HOXA4: variants seen among roughly 807,000 people sequenced by gnomAD.
HOXA4 encodes homeobox protein Hox-A4.
A neutral mutation model predicts 25.3 loss-of-function variants in HOXA4; 31 were observed. The ratio of observed to expected loss-of-function variants is 1.22; its 90% CI spans 0.92 to 1.65. HOXA4 has a LOEUF of 1.65. HOXA4 is among the 40% of genes most tolerant of loss of function. The pLI, the probability that HOXA4 is intolerant of heterozygous loss-of-function variation, is 0.00. For synonymous variants in HOXA4, 225 were observed against 207.7 expected (o/e 1.08, Z -0.72); for missense variants, 459 against 446.0 (o/e 1.03, Z -0.26).
rs747399656 is a variant in HOXA4, at chr7:27,129,229, ATGGAGGAGGGAACGGGTG to A, written c.941_958del (p.Thr314_Ser319del). 4 of 1,432,636 alleles carry A rather than the reference ATGGAGGAGGGAACGGGTG, an allele frequency of 2.8e-6. No homozygotes were observed. In the East Asian group the frequency reaches 1.0e-4, roughly 36 times the overall value. 88.7% of individuals were successfully genotyped at this position (1,432,636 alleles called of 1,614,324 possible). On this transcript the variant is annotated inframe_deletion, in exon 2 of 2. Coordinates refer to ENST00000360046, the MANE Select transcript of HOXA4 (RefSeq NM_002141.5). Reference sequence around the variant, plus strand: ...CTGGTTAAGATCTCTAGAAGATTATATGGAGGAGGGAACGGGTGTGGAGGTGCTCGGGTGGGGGTGGGG... The same window carrying A: ...CTGGTTAAGATCTCTAGAAGATTATATGGAGGTGCTCGGGTGGGGGTGGGG...
chr7:27,128,875 T>G lies in HOXA4; in HGVS notation c.*350A>C. On this transcript the variant is annotated 3_prime_UTR_variant, in exon 2 of 2. Coordinates refer to ENST00000360046, the MANE Select transcript of HOXA4 (RefSeq NM_002141.5). The stretch of plus-strand genomic sequence containing the variant: ...TGTCTTCTTCTGCTTTCAACAAAGA[T>G]GCAAGTGTATGTCCCCACTCAGCAT... The G allele has an allele frequency of 3.2e-6, 1 of 307,956 alleles. No individual in the cohort carries two copies. The highest frequency in any genetic ancestry group is 6.1e-6 in the Non-Finnish European group (1 of 162,746). The allele number at this position is 307,956 out of a possible 1,614,324, so 19.1% of individuals were successfully genotyped here.
chr7:27,130,673 C>G lies in HOXA4; in HGVS notation c.61G>C (p.Glu21Gln). Residue 21 changes from glutamate to glutamine, a missense_variant, in exon 1 of 2, where the codon GAG (glutamate) becomes CAG (glutamine). Transcript: ENST00000360046. ...GAGCCGCTGTGCTGCGCGTACTCCTCGAAGGGAGGGAACTTGGGCTCGATG... is the reference window on the plus strand; with the variant it reads ...GAGCCGCTGTGCTGCGCGTACTCCTGGAAGGGAGGGAACTTGGGCTCGATG... ...NYIEPKFPPF[E>Q]EYAQHSGSGG... is the part of the protein sequence containing the mutation. 6.2e-7 allele frequency: 1 copy of G among 1,607,820 alleles called. No homozygotes were observed. The highest frequency in any genetic ancestry group is 8.5e-7 in the Non-Finnish European group (1 of 1,177,046).
rs1785474527 is a variant in HOXA4 at position 27,130,294 on chromosome 7, C to T, written c.440G>A (p.Arg147His). ...CCGCGGGGCCGCTGGGGGCACGGCG[C>T]GAGGCTGCAGGGGCGGCGGCAGCTG... ...QPQLPPPLQP[R>H]AVPPAAPRRC... Residue 147 changes from arginine to histidine, a missense_variant, in exon 1 of 2, where the codon CGC becomes CAC. Transcript: ENST00000360046. 1 of 1,094,478 alleles carries T rather than the reference C, an allele frequency of 9.1e-7. No homozygotes were observed. The highest frequency in any genetic ancestry group is 1.1e-6 in the Non-Finnish European group (1 of 900,760). 67.8% of individuals were successfully genotyped at this position (1,094,478 alleles called of 1,614,324 possible).
At position 27,130,253 on chromosome 7, in the gene HOXA4, G is replaced by T; in HGVS notation, c.481C>A (p.Pro161Thr). 8.1e-7 allele frequency: 1 copy of T among 1,236,798 alleles called. No homozygotes were observed. The highest frequency in any genetic ancestry group is 1.0e-6 in the Non-Finnish European group (1 of 986,734). The allele number at this position is 1,236,798 out of a possible 1,614,324, so 76.6% of individuals were successfully genotyped here. A position where few individuals can be genotyped will look rare whatever the true frequency, so the allele number is the denominator to read the frequency against. The stretch of plus-strand genomic sequence containing the variant: ...CCTGCCGGGACGCCTGGGGTGGCGG[G>T]GGCCGCCTCGCAGCGCCGCGGGGCC... ...PAAPRRCEAA[P>T]ATPGVPAGGS... The change falls in exon 1 of 2, where the codon CCC becomes ACC. Residue 161 changes from proline (P) to threonine (T), a missense_variant. Pro to Thr is a conservative substitution (Grantham distance 38, BLOSUM62 -1). Transcript: ENST00000360046.
At position 27,129,261 on chromosome 7, in the gene HOXA4, G is replaced by A. The variant is rs745523082; in HGVS notation, c.927C>T (p.His309=). Residue 309 remains histidine, a synonymous_variant, in exon 2 of 2, where the codon CAC becomes CAT. Coordinates refer to ENST00000360046, the MANE Select transcript of HOXA4 (RefSeq NM_002141.5). ...AGGGAACGGGTGTGGAGGTGCTCGG[G>A]TGGGGGTGGGGATGGAGGTGTGGGC... ...TQSPHLHPHP[H]PSTSTPVPSS... is the part of the protein sequence containing the mutation. The A allele has an allele frequency of 1.2e-6, 2 of 1,610,620 alleles. No homozygotes were observed. The highest frequency in any genetic ancestry group is 8.5e-7 in the Non-Finnish European group (1 of 1,176,982).
In HOXA4 at chr7:27,130,653, G is replaced by T. The variant is rs1785514285; in HGVS notation, c.81C>A (p.Ser27Arg). ...GGCCGCCGTCTGCGCCGCCCGAGCC[G>T]CTGTGCTGCGCGTACTCCTCGAAGG... ...FPPFEEYAQH[S>R]GSGGADGGPG... Residue 27 changes from serine to arginine, a missense_variant, in exon 1 of 2, where the codon AGC becomes AGA. Physicochemically the swap from Ser to Arg is moderately radical, Grantham distance 110. Transcript: ENST00000360046. 2.5e-6 allele frequency: 4 copies of T among 1,603,238 alleles called. No homozygotes were observed. Among genetic ancestry groups the T allele is most frequent in the Non-Finnish European group, 3.4e-6 (4 of 1,174,802 alleles).
Position 27,130,161 on chromosome 7 carries a change from C to A in HOXA4, c.573G>T (p.Glu191Asp). 1.2e-6 allele frequency: 2 copies of A among 1,601,340 alleles called. No individual in the cohort carries two copies. The highest frequency in any genetic ancestry group is 8.5e-7 in the Non-Finnish European group (1 of 1,177,324). Residue 191 changes from glutamate (E) to aspartate (D), a missense_variant, in exon 1 of 2, where the codon GAG (glutamate) becomes GAT (aspartate). Coordinates refer to ENST00000360046, the MANE Select transcript of HOXA4 (RefSeq NM_002141.5). ...DKSPLGLKGK[E>D]PVVYPWMKKI... ...TCTTCATCCAGGGGTACACCACGGGCTCCTTGCCCTTCAGGCCCAGCGGGC... is the reference window on the plus strand; with the variant it reads ...TCTTCATCCAGGGGTACACCACGGGATCCTTGCCCTTCAGGCCCAGCGGGC...
At chr7:27,129,628 A>G in intron 1 of HOXA4, 57 bp from the exon 2 acceptor site, 1 of 1,590,986 alleles carries the variant, frequency 6.3e-7, no homozygotes, top group South Asian at 1.1e-5. Context: ...GAAGAGAGGG[A>G]AAGGAGGAGG....
rs775984563 is a variant in HOXA4 at position 27,129,572 on chromosome 7, C to A, written c.617-1G>T. 6.2e-7 allele frequency: 1 copy of A among 1,611,976 alleles called. No individual in the cohort carries two copies. Among genetic ancestry groups the A allele is most frequent in the Admixed American group, 1.7e-5 (1 of 60,002 alleles). ...TCCCCTCCGTTATAACTGGGGTTAA[C>A]TGAAAACCCAGAACCCCGAAATAGA... On this transcript the variant is annotated splice_acceptor_variant, in intron 1 of 1. Transcript: ENST00000360046. LOFTEE classifies it high-confidence loss of function.
In HOXA4 at chr7:27,130,363, T is replaced by C; in HGVS notation, c.371A>G (p.Lys124Arg). The C allele has an allele frequency of 8.8e-7, 1 of 1,137,350 alleles. No individual in the cohort carries two copies. The highest frequency in any genetic ancestry group is 4.2e-5 in the South Asian group (1 of 23,570). The allele number at this position is 1,137,350 out of a possible 1,614,324, so 70.5% of individuals were successfully genotyped here. ...PQPEQPPAQA[K>R]GPAHGLHASH... is the part of the protein sequence containing the mutation. Reference sequence around the variant, plus strand: ...CGCATGCAGGCCGTGCGCTGGGCCCTTGGCTTGCGCCGGGGGCTGCTCGGG... The same window carrying C: ...CGCATGCAGGCCGTGCGCTGGGCCCCTGGCTTGCGCCGGGGGCTGCTCGGG... Residue 124 changes from lysine (K) to arginine (R), a missense_variant, in exon 1 of 2, where the codon AAG (lysine) becomes AGG (arginine). By Grantham distance (26) the Lys-to-Arg change is conservative. Coordinates refer to ENST00000360046, the MANE Select transcript of HOXA4 (RefSeq NM_002141.5).
chr7:27,129,409 T>C lies in HOXA4; in HGVS notation c.779A>G (p.Lys260Arg). The change falls in exon 2 of 2, where the codon AAG becomes AGG. Residue 260 changes from lysine to arginine, a missense_variant. Lys to Arg is a conservative substitution (Grantham distance 26). Transcript: ENST00000360046. ...CATCCTCCGGTTCTGAAACCAGATC[T>C]TGACCTGGCGCTCAGACAAACAGAG... Reference protein sequence around the residue: ...HTLCLSERQVKIWFQNRRMKW... With the variant: ...HTLCLSERQVRIWFQNRRMKW... The C allele has an allele frequency of 6.2e-7, 1 of 1,614,192 alleles. No individual in the cohort carries two copies. Among genetic ancestry groups the C allele is most frequent in the Non-Finnish European group, 8.5e-7 (1 of 1,180,042 alleles).
rs1423487232 is a variant in HOXA4 at position 27,128,821 on chromosome 7, G to A, written c.*404C>T. 8.7e-6 allele frequency: 2 copies of A among 229,944 alleles called. No homozygotes were observed. Among genetic ancestry groups the A allele is most frequent in the African/African-American group, 4.5e-5 (2 of 44,738 alleles). The allele number at this position is 229,944 out of a possible 1,614,324, so 14.2% of individuals were successfully genotyped here. On this transcript the variant is annotated 3_prime_UTR_variant, in exon 2 of 2. Transcript: ENST00000360046. ...TGGATGAGCTGCCTTAATGGGGGAA[G>A]AGGAGGTAAGGAAGGTGGGGAAAGG...
In HOXA4 at chr7:27,129,343, C is replaced by A. The variant is rs1562721930; in HGVS notation, c.845G>T (p.Arg282Leu). ...KDHKLPNTKM[R>L]SSNSASASAG... ...AGAGGCCGAGGCCGAATTGGAGGAT[C>A]GCATCTTGGTGTTGGGCAGTTTGTG... Residue 282 changes from arginine (R) to leucine (L), a missense_variant, in exon 2 of 2, where the codon CGA becomes CTA. Coordinates refer to ENST00000360046, the MANE Select transcript of HOXA4 (RefSeq NM_002141.5). 1 of 1,614,076 alleles carries A rather than the reference C, an allele frequency of 6.2e-7. No individual in the cohort carries two copies.
chr7:27,129,319 G>A lies in HOXA4; in HGVS notation c.869C>T (p.Ser290Phe). Residue 290 changes from serine to phenylalanine, a missense_variant, in exon 2 of 2, where the codon TCT (serine) becomes TTT (phenylalanine). Physicochemically the swap from Ser to Phe is radical, Grantham distance 155. Coordinates refer to ENST00000360046, the MANE Select transcript of HOXA4 (RefSeq NM_002141.5). ...TTGTGCTTTCCCTGGTGGGCCGGCA[G>A]AGGCCGAGGCCGAATTGGAGGATCG... ...KMRSSNSASA[S>F]AGPPGKAQTQ... 10 of 1,614,178 alleles carry A rather than the reference G, an allele frequency of 6.2e-6. No individual in the cohort carries two copies. The highest frequency in any genetic ancestry group is 8.5e-6 in the Non-Finnish European group (10 of 1,180,014).
chr7:27,128,956 CCTT>C lies in HOXA4; in HGVS notation c.*266_*268del, dbSNP rs1785395649. On this transcript the variant is annotated 3_prime_UTR_variant, in exon 2 of 2. Coordinates refer to ENST00000360046, the MANE Select transcript of HOXA4 (RefSeq NM_002141.5). ...TCAAAAGTATTTGATACCAAGTAGTCCTTCTCAGGTATCCACACCTGGCAGCCT... is the reference window on the plus strand; with the variant it reads ...TCAAAAGTATTTGATACCAAGTAGTCCTCAGGTATCCACACCTGGCAGCCT... The C allele has an allele frequency of 1.9e-6, 1 of 531,062 alleles. No individual in the cohort carries two copies. The highest frequency in any genetic ancestry group is 1.9e-5 in the African/African-American group (1 of 52,424). 32.9% of individuals were successfully genotyped at this position (531,062 alleles called of 1,614,324 possible). A position where few individuals can be genotyped will look rare whatever the true frequency, so the allele number is the denominator to read the frequency against.
At position 27,130,264 on chromosome 7, in the gene HOXA4, C is replaced by A; in HGVS notation, c.470G>T (p.Cys157Phe). 3.4e-6 allele frequency: 4 copies of A among 1,184,066 alleles called. No individual in the cohort carries two copies. The highest frequency in any genetic ancestry group is 4.2e-6 in the Non-Finnish European group (4 of 956,018). 73.3% of individuals were successfully genotyped at this position (1,184,066 alleles called of 1,614,324 possible). ...GCCTGGGGTGGCGGGGGCCGCCTCG[C>A]AGCGCCGCGGGGCCGCTGGGGGCAC... Reference protein sequence around the residue: ...RAVPPAAPRRCEAAPATPGVP... With the variant: ...RAVPPAAPRRFEAAPATPGVP... Residue 157 changes from cysteine to phenylalanine, a missense_variant, in exon 1 of 2, where the codon TGC becomes TTC. Transcript: ENST00000360046.
chr7:27,130,691 G>C lies in HOXA4; in HGVS notation c.43C>G (p.Pro15Ala), dbSNP rs945115358. ...TACTCCTCGAAGGGAGGGAACTTGG[G>C]CTCGATGTAGTTGGAGTTTATCAAA... ...SFLINSNYIE[P>A]KFPPFEEYAQ... is the part of the protein sequence containing the mutation. Residue 15 changes from proline to alanine, a missense_variant, in exon 1 of 2, where the codon CCC becomes GCC. By Grantham distance (27) the Pro-to-Ala change is conservative. Transcript: ENST00000360046. The C allele has an allele frequency of 1.2e-5, 20 of 1,608,622 alleles. No individual in the cohort carries two copies. Among genetic ancestry groups the C allele is most frequent in the East Asian group, 6.7e-5 (3 of 44,692 alleles).
In HOXA4 at chr7:27,129,054, G is replaced by A; in HGVS notation, c.*171C>T. 3.0e-6 allele frequency: 2 copies of A among 674,388 alleles called. No homozygotes were observed. The allele number at this position is 674,388 out of a possible 1,614,324, so 41.8% of individuals were successfully genotyped here. A position where few individuals can be genotyped will look rare whatever the true frequency, so the allele number is the denominator to read the frequency against. ...ACTGTTCTCTCTTGGGTGGCAACCA[G>A]CACAGACTCTTAACCGGATAATGTC... On this transcript the variant is annotated 3_prime_UTR_variant, in exon 2 of 2. Transcript: ENST00000360046.
At chr7:27,129,651 G>T (rs958050808) in intron 1 of HOXA4, 80 bp from the exon 2 acceptor site, 1 of 1,500,012 alleles carries the variant, frequency 6.7e-7, no homozygotes, top group Admixed American at 1.8e-5. Context: ...AGAGAAGGTG[G>T]GGTGGGGAAG....
Sources: allele counts gnomAD v4.1 joint callset, GRCh38; gene constraint gnomAD v4.1.1; transcripts MANE v1.5; gene names NCBI Gene and HGNC (gene_info 2026-07-23, HGNC 2026-07-21).